Variants in HS6ST3 observed in about 807,000 individuals in gnomAD.
HS6ST3 encodes the protein heparan sulfate 6-O-sulfotransferase 3, also known as heparan-sulfate 6-O-sulfotransferase 3.
HS6ST3 carries 12 observed loss-of-function variants against 36.7 expected under a neutral mutation model. The observed-to-expected ratio is 0.33, with a 90% CI of 0.21 to 0.53. The LOEUF is 0.53. HS6ST3 is among the 20% of genes least tolerant of loss of function. The pLI is 0.95. For missense variants in HS6ST3, 584 were observed against 640.9 expected, an observed-to-expected ratio of 0.91 and a Z score of 0.96; for synonymous variants, 240 against 257.5, an observed-to-expected ratio of 0.93 and a Z score of 0.65.
At chr13:96,484,726 A>C (rs1049712294) in intron 1 of HS6ST3, among the ~76,000 whole-genome samples, 29 of 152,190 alleles carry the variant, frequency 1.9e-4, no homozygotes, top group East Asian at 9.7e-4. Flanking sequence ...CAAATACTAC[A>C]TTTTCTTTAT....
chr13:96,297,791 A>G (rs1345030199), intron 1 of HS6ST3, among the ~76,000 whole-genome samples: 2 of 152,022 alleles, frequency 1.3e-5, no homozygotes, highest in Non-Finnish European at 2.9e-5. Context: ...TTTTATTATC[A>G]CTTCTACTGG....
intron 1 of HS6ST3, among the ~76,000 whole-genome samples, chr13:96,226,933 C>G (rs1163934011): frequency 6.6e-6 from 1 of 152,156 alleles, no homozygotes; most frequent in East Asian, 1.9e-4. Context: ...TCAGTAGTGT[C>G]TTGGTGCTCC....
intron 1 of HS6ST3, among the ~76,000 whole-genome samples, chr13:96,562,676 A>G (rs1184375307): frequency 6.6e-6 from 1 of 152,122 alleles, no homozygotes; most frequent in Non-Finnish European, 1.5e-5. Context: ...TTTTTTCAGC[A>G]TCATAACATT....
intron 1 of HS6ST3, among the ~76,000 whole-genome samples, chr13:96,420,277 A>C (rs55797744): frequency 0.012 from 1,799 of 152,108 alleles, 26 homozygotes; most frequent in African/African-American, 0.042. Context: ...TACATCTTTG[A>C]AGAAAAAAAG....
At chr13:96,286,584 C>T (rs181702374) in intron 1 of HS6ST3, among the ~76,000 whole-genome samples, 1 of 152,128 alleles carries the variant, frequency 6.6e-6, no homozygotes, top group African/African-American at 2.4e-5. Flanking sequence ...AGGATATTCT[C>T]CACAGAGTTA....
At chr13:96,389,475 T>TTA (rs961327028) in intron 1 of HS6ST3, among the ~76,000 whole-genome samples, 3 of 152,240 alleles carry the variant, frequency 2.0e-5, no homozygotes, top group African/African-American at 7.2e-5. Flanking sequence ...TTAAAATCAT[T>TTA]TATACCCCTT....
At chr13:96,486,058 C>T (rs1382791025) in intron 1 of HS6ST3, among the ~76,000 whole-genome samples, 2 of 135,876 alleles carry the variant, frequency 1.5e-5, no homozygotes, top group African/African-American at 5.5e-5. Flanking sequence ...TGTTCCCCTT[C>T]CTGTGTCCAT....
rs78535882 is a variant in HS6ST3 at position 96,543,415 on chromosome 13, G to A, written c.708-289075G>A. On this transcript the variant is annotated intron_variant, in intron 1 of 1. Transcript: ENST00000376705. ...TCAGAAGACACATTGAGAAAAAGAAGCGCAGTCTTCACAGATGCCCCTGCC... is the reference window on the plus strand; with the variant it reads ...TCAGAAGACACATTGAGAAAAAGAAACGCAGTCTTCACAGATGCCCCTGCC... 4.9e-3 allele frequency among the ~76,000 whole-genome samples: 745 copies of A among 152,258 alleles called. 2 individuals carry two copies. Among genetic ancestry groups the A allele is most frequent in the Non-Finnish European group, 8.2e-3 (556 of 68,034 alleles).
At chr13:96,805,639 G>A (rs1360321246) in intron 1 of HS6ST3, among the ~76,000 whole-genome samples, 1 of 152,142 alleles carries the variant, frequency 6.6e-6, no homozygotes, top group African/African-American at 2.4e-5. Flanking sequence ...TAAACCCTAT[G>A]AGCTAGGTAC....
intron 1 of HS6ST3, among the ~76,000 whole-genome samples, chr13:96,249,438 A>G (rs1457448265): frequency 6.6e-6 from 1 of 152,154 alleles, no homozygotes; most frequent in Non-Finnish European, 1.5e-5. Context: ...GAAGGAAAGG[A>G]GAGAAATGGA....
intron 1 of HS6ST3, among the ~76,000 whole-genome samples, chr13:96,303,879 ACG>A (rs959229522): frequency 9.9e-5 from 15 of 152,192 alleles, no homozygotes; most frequent in Non-Finnish European, 7.4e-5. Flanking sequence ...TCAGTGGCTC[ACG>A]CCTGTAATCC....
At chr13:96,478,125 A>G (rs951967220) in intron 1 of HS6ST3, among the ~76,000 whole-genome samples, 1 of 152,204 alleles carries the variant, frequency 6.6e-6, no homozygotes, top group East Asian at 1.9e-4. Flanking sequence ...GACCTAGCTC[A>G]GTGCCCCAGG....
intron 1 of HS6ST3, among the ~76,000 whole-genome samples, chr13:96,625,269 G>A (rs147804690): frequency 1.4e-3 from 206 of 152,292 alleles, no homozygotes; most frequent in African/African-American, 4.7e-3. Flanking sequence ...GTAACTAAAG[G>A]TTGCTTTTGG....
At chr13:96,345,355 A>G (rs1022999764) in intron 1 of HS6ST3, among the ~76,000 whole-genome samples, 3 of 152,108 alleles carry the variant, frequency 2.0e-5, no homozygotes, top group South Asian at 2.1e-4. Context: ...GCTTTTTTCT[A>G]AAGCGTGTTT....
chr13:96,308,059 G>A (rs1034404473), intron 1 of HS6ST3, among the ~76,000 whole-genome samples: 2 of 152,092 alleles, frequency 1.3e-5, no homozygotes, highest in Admixed American at 1.3e-4. Context: ...TTAATATGGT[G>A]ATCAGTAAGA....
intron 1 of HS6ST3, among the ~76,000 whole-genome samples, chr13:96,708,253 A>G (rs183626021): frequency 6.6e-5 from 10 of 152,316 alleles, no homozygotes; most frequent in African/African-American, 1.9e-4. Flanking sequence ...ACCCTTTTCC[A>G]TAATTATTTG....
chr13:96,240,530 A>G (rs1214928523), intron 1 of HS6ST3, among the ~76,000 whole-genome samples: 2 of 152,206 alleles, frequency 1.3e-5, no homozygotes, highest in African/African-American at 4.8e-5. Context: ...AGTTAAACTA[A>G]GCCTTTTATT....
chr13:96,412,834 C>T (rs2078402360), intron 1 of HS6ST3, among the ~76,000 whole-genome samples: 1 of 149,872 alleles, frequency 6.7e-6, no homozygotes, highest in African/African-American at 2.4e-5. Flanking sequence ...TTTGCATATA[C>T]AGTATATTAT....
At chr13:96,200,276 G>A (rs1234424015) in intron 1 of HS6ST3, among the ~76,000 whole-genome samples, 1 of 152,094 alleles carries the variant, frequency 6.6e-6, no homozygotes, top group African/African-American at 2.4e-5. Context: ...GGCTCTCGAG[G>A]CCCACATGAT....
Sources: gnomAD v4.1 joint callset for allele counts (sites outside exome capture counted in the v4.1 genomes callset) on GRCh38, gnomAD v4.1.1 for gene constraint, MANE v1.5 for transcripts, NCBI Gene and HGNC (gene_info 2026-07-23, HGNC 2026-07-21) for gene names.